The following TMEM255B variants were observed in gnomAD, a reference collection of about 807,000 sequenced individuals.
TMEM255B encodes transmembrane protein 255B, also known as family with sequence similarity 70, member B.
TMEM255B carries 35 observed loss-of-function variants against 34.5 expected under a neutral mutation model. The observed-to-expected ratio is 1.01, with a 90% CI of 0.77 to 1.34. The LOEUF is 1.34. Ranked by LOEUF, TMEM255B falls within the 40% of genes most tolerant of loss-of-function variation. The pLI is 0.00. For synonymous variants in TMEM255B, 206 were observed against 201.2 expected (o/e 1.02, Z -0.20); for missense variants, 432 against 433.2 (o/e 1.00, Z 0.02).
chr13:113,777,848 T>C (rs952256976), intron 3 of TMEM255B, among the ~76,000 whole-genome samples: 2 of 152,202 alleles, frequency 1.3e-5, no homozygotes, highest in African/African-American at 4.8e-5. Context: ...TGCCTCCCCC[T>C]GAGTGCCTCC....
chr13:113,768,756 A>G (rs2050431800), intron 2 of TMEM255B: 2 of 440,136 alleles, frequency 4.5e-6, no homozygotes, highest in Non-Finnish European at 9.1e-6. Context: ...GGCCTGGAGA[A>G]GACGGGACAG....
chr13:113,793,617 C>T (rs534263672), intron 3 of TMEM255B, among the ~76,000 whole-genome samples: 1 of 152,380 alleles, frequency 6.6e-6, no homozygotes, highest in Admixed American at 6.5e-5. Context: ...CCTCATCACT[C>T]ACATTTAATG....
chr13:113,786,618 C>T (rs1472124029), intron 3 of TMEM255B, among the ~76,000 whole-genome samples: 1 of 151,370 alleles, frequency 6.6e-6, no homozygotes, highest in Non-Finnish European at 1.5e-5. Context: ...ACCGTCGTCA[C>T]TGTTGTCACC....
intron 3 of TMEM255B, among the ~76,000 whole-genome samples, chr13:113,777,300 C>T (rs971170860): frequency 6.6e-6 from 1 of 152,150 alleles, no homozygotes; most frequent in Non-Finnish European, 1.5e-5. Context: ...CTCTCTATCT[C>T]TCTGCCTCTC....
rs11290901 is a variant in TMEM255B at position 113,762,105 on chromosome 13, G to GAAAAAA, written c.46+2798_46+2803dup. On this transcript the variant is annotated intron_variant, in intron 1 of 8. Transcript: ENST00000375353. ...TGTAATAACAGTATTTCCGGGACAG[G>GAAAAAA]AAAAAAAAAAAAATCAAGGAAATTA... 2.6e-3 allele frequency among the ~76,000 whole-genome samples: 377 copies of GAAAAAA among 147,680 alleles called. 3 individuals are homozygous for GAAAAAA. Among genetic ancestry groups the GAAAAAA allele is most frequent in the African/African-American group, 8.5e-3 (339 of 40,076 alleles).
In TMEM255B at chr13:113,799,917, C is replaced by T. The variant is rs2051012003; in HGVS notation, c.423+498C>T. On this transcript the variant is annotated intron_variant, in intron 5 of 8. Transcript: ENST00000375353. Reference sequence around the variant, plus strand: ...GTGACGGCGCTCTCTGTGTGTCTCGCACCTGCCCTGTGTGGATTCCTGGCT... The same window carrying T: ...GTGACGGCGCTCTCTGTGTGTCTCGTACCTGCCCTGTGTGGATTCCTGGCT... 4.7e-6 allele frequency: 6 copies of T among 1,271,946 alleles called. No individual in the cohort carries two copies. The Admixed American group carries it at 9.1e-5, about 19-fold the overall frequency. 78.8% of individuals were successfully genotyped at this position (1,271,946 alleles called of 1,614,324 possible).
Position 113,769,254 on chromosome 13 carries a change from C to T in TMEM255B, c.252+94C>T. The stretch of plus-strand genomic sequence containing the variant: ...CTCTGAGAAGAGTCAGCCCTGCCTC[C>T]CCAGCACACTGGTGTCTACAGGACC... On this transcript the variant is annotated intron_variant, in intron 3 of 8. Transcript: ENST00000375353. The surrounding 1 kb of genome is among the most constrained non-coding windows in gnomAD (Gnocchi z 4.2). 1 of 1,373,664 alleles carries T rather than the reference C, an allele frequency of 7.3e-7. No homozygotes were observed. Among genetic ancestry groups the T allele is most frequent in the Non-Finnish European group, 1.0e-6 (1 of 965,932 alleles). 85.1% of individuals were successfully genotyped at this position (1,373,664 alleles called of 1,614,324 possible). A position where few individuals can be genotyped will look rare whatever the true frequency, so the allele number is the denominator to read the frequency against.
At position 113,814,228 on chromosome 13, in the gene TMEM255B, G is replaced by C; in HGVS notation, c.*2325G>C. The C allele has an allele frequency of 6.6e-6, 1 of 152,232 alleles. No individual in the cohort carries two copies. Among genetic ancestry groups the C allele is most frequent in the East Asian group, 1.9e-4 (1 of 5,160 alleles). The allele number at this position is 152,232 out of a possible 1,614,324, so 9.4% of individuals were successfully genotyped here. On this transcript the variant is annotated 3_prime_UTR_variant, in exon 9 of 9. Coordinates refer to ENST00000375353, the MANE Select transcript of TMEM255B (RefSeq NM_182614.4). ...CGAACAGCAGAGAAGCTGAACTGCAGGTCTGGGCAGGGAGTCTATGCCCCC... is the reference window on the plus strand; with the variant it reads ...CGAACAGCAGAGAAGCTGAACTGCACGTCTGGGCAGGGAGTCTATGCCCCC...
chr13:113,761,189 C>T (rs369331159), intron 1 of TMEM255B: 32 of 985,222 alleles, frequency 3.2e-5, no homozygotes, highest in African/African-American at 5.2e-5. Flanking sequence ...TCTTTTTGGG[C>T]GTTCCAGGTC....
chr13:113,807,929 T>C (rs1389548775), intron 8 of TMEM255B, among the ~76,000 whole-genome samples: 3 of 152,106 alleles, frequency 2.0e-5, no homozygotes, highest in Non-Finnish European at 2.9e-5. Flanking sequence ...ACCCTGGGGC[T>C]CTGGGTTTAC....
At position 113,812,254 on chromosome 13, in the gene TMEM255B, C is replaced by A; in HGVS notation, c.*351C>A. 3.4e-6 allele frequency: 1 copy of A among 294,860 alleles called. No individual in the cohort carries two copies. The highest frequency in any genetic ancestry group is 6.3e-6 in the Non-Finnish European group (1 of 158,672). The allele number at this position is 294,860 out of a possible 1,614,324, so 18.3% of individuals were successfully genotyped here. The stretch of plus-strand genomic sequence containing the variant: ...TGCAAAGACAGTGCAGCCCCGGCCT[C>A]CCTGCCTGTGTGTTCTTGTTTGTGG... On this transcript the variant is annotated 3_prime_UTR_variant, in exon 9 of 9. Coordinates refer to ENST00000375353, the MANE Select transcript of TMEM255B (RefSeq NM_182614.4).
At chr13:113,808,368 G>C (rs2051224310) in intron 8 of TMEM255B, among the ~76,000 whole-genome samples, 1 of 152,184 alleles carries the variant, frequency 6.6e-6, no homozygotes. Flanking sequence ...CCGTTACTAA[G>C]AAACATGCCC....
intron 3 of TMEM255B, among the ~76,000 whole-genome samples, chr13:113,773,783 G>A (rs542258315): frequency 2.0e-5 from 3 of 152,334 alleles, no homozygotes; most frequent in East Asian, 3.9e-4. Flanking sequence ...TTCTTCATTT[G>A]CATGGTGGCT....
chr13:113,761,616 T>G (rs1191945101), intron 1 of TMEM255B, among the ~76,000 whole-genome samples: 1 of 152,206 alleles, frequency 6.6e-6, no homozygotes, highest in African/African-American at 2.4e-5. Flanking sequence ...GGAGAAATGC[T>G]GGTTAAGAAT....
Position 113,805,006 on chromosome 13 carries a change from C to A in TMEM255B, c.791C>A (p.Ser264Ter). The A allele has an allele frequency of 6.2e-7, 1 of 1,604,652 alleles. No homozygotes were observed. The highest frequency in any genetic ancestry group is 8.5e-7 in the Non-Finnish European group (1 of 1,178,604). Residue 264 changes from serine (S) to a stop codon, truncating the protein, a stop_gained, in exon 8 of 9, where the codon TCG (serine) becomes TAG (stop). Coordinates refer to ENST00000375353, the MANE Select transcript of TMEM255B (RefSeq NM_182614.4). LOFTEE classifies it low-confidence loss of function (END_TRUNC). ...ACGCCCGAGCCCGTCCCGACCTGCT[C>A]GTCCTACCCTCTGCCCCTTCAGGTA... Reference protein sequence around the residue: ...RLTPEPVPTCSSYPLPLQPCS... With the variant: ...RLTPEPVPTC
intron 3 of TMEM255B, among the ~76,000 whole-genome samples, chr13:113,794,194 G>C (rs1271391682): frequency 6.6e-6 from 1 of 152,178 alleles, no homozygotes; most frequent in Non-Finnish European, 1.5e-5. Context: ...AAGGAAGGTC[G>C]GGGTGCCTCT....
At chr13:113,798,867 T>G (rs2050991046) in intron 4 of TMEM255B, among the ~76,000 whole-genome samples, 1 of 151,974 alleles carries the variant, frequency 6.6e-6, no homozygotes, top group Admixed American at 6.6e-5. Flanking sequence ...GATGATTGAT[T>G]GGATGATTGG....
rs1045321644 is a variant in TMEM255B at position 113,805,155 on chromosome 13, G to T, written c.813+127G>T. ...TCACCTTCTGGATTAGGGATGGGAG[G>T]TGGGGGGCAGTGACAACCCTGCCGT... On this transcript the variant is annotated intron_variant, in intron 8 of 8. Coordinates refer to ENST00000375353, the MANE Select transcript of TMEM255B (RefSeq NM_182614.4). 8.5e-5 allele frequency: 101 copies of T among 1,183,040 alleles called. 1 individual carries two copies. Among genetic ancestry groups the T allele is most frequent in the Admixed American group, 1.3e-4 (4 of 30,744 alleles). The allele number at this position is 1,183,040 out of a possible 1,614,324, so 73.3% of individuals were successfully genotyped here. A position where few individuals can be genotyped will look rare whatever the true frequency, so the allele number is the denominator to read the frequency against.
At chr13:113,773,153 C>A (rs943540308) in intron 3 of TMEM255B, among the ~76,000 whole-genome samples, 2 of 152,126 alleles carry the variant, frequency 1.3e-5, no homozygotes, top group South Asian at 2.1e-4. Context: ...GAAGTACTTA[C>A]CAAATTAAAT....
Sources: allele counts gnomAD v4.1 joint callset (sites outside exome capture counted in the v4.1 genomes callset), GRCh38; gene constraint gnomAD v4.1.1; non-coding constraint Gnocchi (gnomAD v3.1); transcripts MANE v1.5; gene names NCBI Gene and HGNC (gene_info 2026-07-23, HGNC 2026-07-21).